The following C10orf143 variants were observed in gnomAD, a reference collection of about 807,000 sequenced individuals.
C10orf143 encodes uncharacterized protein C10orf143.
chr10:130,043,655 C>T (rs1435621452), intron 3 of C10orf143, among the ~76,000 whole-genome samples: 1 of 152,206 alleles, frequency 6.6e-6, no homozygotes, highest in African/African-American at 2.4e-5. Context: ...CCCTGCTCTC[C>T]CGCTGAGTCA....
chr10:130,108,081 C>T (rs750023246), intron 1 of C10orf143: 1 of 1,499,098 alleles, frequency 6.7e-7, no homozygotes, highest in Non-Finnish European at 9.3e-7. Flanking sequence ...TCATCTCTCC[C>T]TGCTGAAAAT....
At chr10:130,059,519 T>C (rs968594056), downstream of C10orf143, among the ~76,000 whole-genome samples, 4 of 152,138 alleles carry the variant, frequency 2.6e-5, no homozygotes, top group African/African-American at 9.7e-5. Flanking sequence ...AAGCAGTGTG[T>C]GGCATGCAAA....
chr10:130,054,029 A>T (rs1030805950), intron 3 of C10orf143, among the ~76,000 whole-genome samples: 2 of 152,208 alleles, frequency 1.3e-5, no homozygotes, highest in Non-Finnish European at 2.9e-5. Context: ...TTGTGGCAGG[A>T]ACACTTGCCA....
At chr10:130,106,945 T>G in intron 1 of C10orf143, 1 of 1,000,168 alleles carries the variant, frequency 1.0e-6, no homozygotes, top group East Asian at 2.4e-5. Context: ...CAGAAGATGG[T>G]GCTTACTTAG....
intron 3 of C10orf143, among the ~76,000 whole-genome samples, chr10:130,051,131 T>C (rs1469539180): frequency 6.6e-6 from 1 of 152,142 alleles, no homozygotes; most frequent in African/African-American, 2.4e-5. Context: ...CTCACCAGAA[T>C]TAACTGTTAA....
At chr10:130,063,363 T>G (rs1860878152), downstream of C10orf143, among the ~76,000 whole-genome samples, 1 of 152,208 alleles carries the variant, frequency 6.6e-6, no homozygotes, top group Admixed American at 6.5e-5. Context: ...AAGCTCTTCA[T>G]AAAGATCTTT....
At chr10:130,044,576 G>A (rs1213587597) in intron 3 of C10orf143, among the ~76,000 whole-genome samples, 1 of 152,200 alleles carries the variant, frequency 6.6e-6, no homozygotes, top group Non-Finnish European at 1.5e-5. Flanking sequence ...GGCTCGGAAA[G>A]GCATCACGCT....
At chr10:130,101,635 G>A (rs893631287) in intron 1 of C10orf143, among the ~76,000 whole-genome samples, 2 of 151,548 alleles carry the variant, frequency 1.3e-5, no homozygotes, top group African/African-American at 2.4e-5. Flanking sequence ...GGGAGGTGGA[G>A]GCGGGCGCAT....
chr10:130,081,839 T>C (rs1200810605), intron 1 of C10orf143, among the ~76,000 whole-genome samples: 1 of 149,754 alleles, frequency 6.7e-6, no homozygotes, highest in Non-Finnish European at 1.5e-5. Flanking sequence ...CCCAACATTA[T>C]AAAGATGACA....
chr10:130,037,871 A>G (rs1189205990), intron 3 of C10orf143, among the ~76,000 whole-genome samples: 2 of 152,134 alleles, frequency 1.3e-5, no homozygotes, highest in Non-Finnish European at 2.9e-5. Flanking sequence ...TAAGCTCTTT[A>G]TACTTTTCCC....
intron 1 of C10orf143, chr10:130,108,609 C>T (rs1861706112): frequency 1.9e-6 from 1 of 518,654 alleles, no homozygotes; most frequent in African/African-American, 1.9e-5. Flanking sequence ...AAATATGAAT[C>T]TTATAAGTAA....
At chr10:130,083,501 C>T (rs1341986861) in intron 1 of C10orf143, among the ~76,000 whole-genome samples, 2 of 152,190 alleles carry the variant, frequency 1.3e-5, no homozygotes, top group African/African-American at 4.8e-5. Flanking sequence ...AATGCCCCTA[C>T]ACTGGAGAGT....
At chr10:130,106,008 G>A (rs1368744638) in intron 1 of C10orf143, 10 of 451,056 alleles carry the variant, frequency 2.2e-5, no homozygotes, top group Middle Eastern at 5.2e-4. Context: ...TGTTGTGGCC[G>A]GGGTTACTGC....
downstream of C10orf143, among the ~76,000 whole-genome samples, chr10:130,061,518 C>T (rs755881956): frequency 1.1e-4 from 16 of 152,060 alleles, no homozygotes; most frequent in African/African-American, 3.6e-4. Context: ...ATTAAAGGTA[C>T]GTTTTGACAT....
intron 3 of C10orf143, among the ~76,000 whole-genome samples, chr10:130,055,228 C>A (rs901349015): frequency 1.3e-5 from 2 of 152,112 alleles, no homozygotes; most frequent in African/African-American, 4.8e-5. Context: ...CCCAAAAGCA[C>A]AGGCAACAAA....
intron 3 of C10orf143, among the ~76,000 whole-genome samples, chr10:130,046,512 G>A (rs1251642712): frequency 6.6e-6 from 1 of 152,190 alleles, no homozygotes; most frequent in African/African-American, 2.4e-5. Flanking sequence ...GTTACTGCAG[G>A]GAATTCTTCA....
intron 3 of C10orf143, among the ~76,000 whole-genome samples, chr10:130,075,278 T>C (rs912306943): frequency 6.6e-6 from 1 of 152,108 alleles, no homozygotes; most frequent in Admixed American, 6.6e-5. Flanking sequence ...GCATTAGCGA[T>C]GGGCAACATT....
intron 3 of C10orf143, among the ~76,000 whole-genome samples, chr10:130,077,513 C>T (rs1388638044): frequency 2.0e-5 from 3 of 152,250 alleles, no homozygotes; most frequent in African/African-American, 7.2e-5. Context: ...ACCTTGGCTT[C>T]TCTCTGACCA....
At chr10:130,069,804 A>C (rs1179325857) in intron 3 of C10orf143, among the ~76,000 whole-genome samples, 1 of 152,096 alleles carries the variant, frequency 6.6e-6, no homozygotes, top group Non-Finnish European at 1.5e-5. Context: ...TAATTATACC[A>C]TCTGGAAATA....
Sources: gnomAD v4.1 joint callset for allele counts (sites outside exome capture counted in the v4.1 genomes callset) on GRCh38, gnomAD v4.1.1 for gene constraint, MANE v1.5 for transcripts, NCBI Gene and HGNC (gene_info 2026-07-23, HGNC 2026-07-21) for gene names.